TNKS1BP1: variants seen among roughly 807,000 people sequenced by gnomAD.
TNKS1BP1 encodes the protein CCR4-NOT transcription complex subunit 12.
TNKS1BP1 carries 48 observed loss-of-function variants against 141.1 expected under a neutral mutation model. That is an observed-to-expected ratio of 0.34 (90% CI 0.27 to 0.43). The LOEUF (loss-of-function observed/expected upper bound fraction) is 0.43, where lower values mean the gene tolerates loss of function less well. TNKS1BP1 is among the 20% of genes least tolerant of loss of function. The pLI, the probability that TNKS1BP1 is intolerant of heterozygous loss-of-function variation, is 1.00. For synonymous variants in TNKS1BP1, 875 were observed against 898.2 expected, an observed-to-expected ratio of 0.97 and a Z score of 0.46; for missense variants, 2,149 against 2,226.0, an observed-to-expected ratio of 0.97 and a Z score of 0.70.
intron 1 of TNKS1BP1, among the ~76,000 whole-genome samples, chr11:57,324,379 G>A (rs1346312918): frequency 6.6e-6 from 1 of 152,012 alleles, no homozygotes; most frequent in Non-Finnish European, 1.5e-5. Flanking sequence ...GGTGGCGGCA[G>A]AAGCGGAGGA....
intron 11 of TNKS1BP1, 111 bp downstream of exon 11, chr11:57,300,417 A>C: frequency 2.0e-6 from 2 of 999,944 alleles, no homozygotes; most frequent in East Asian, 4.9e-5. Context: ...GCTGTTTCTA[A>C]ACTTGCACAG....
Position 57,302,764 on chromosome 11 carries a change from G to A in TNKS1BP1, c.4378C>T (p.Leu1460=). ...ACCGCCTTGGAGCTGCTGGCTGCCAGCATCTCCTCCAGCAGGCCCTGGGAG... is the reference window on the plus strand; with the variant it reads ...ACCGCCTTGGAGCTGCTGGCTGCCAACATCTCCTCCAGCAGGCCCTGGGAG... ...SGSQGLLEEM[L]AASSSKAVAR... Residue 1460 remains leucine (L), a synonymous_variant, in exon 7 of 12, where the codon CTG becomes TTG. Transcript: ENST00000358252. This position sits in a 1 kb window ranked among gnomAD's most constrained non-coding sequence, Gnocchi z 5.5. The A allele has an allele frequency of 6.4e-7, 1 of 1,571,644 alleles. No individual in the cohort carries two copies. The highest frequency in any genetic ancestry group is 8.6e-7 in the Non-Finnish European group (1 of 1,163,106).
Position 57,320,413 on chromosome 11 carries a change from G to A in TNKS1BP1, c.394C>T (p.Pro132Ser). 2 of 1,610,640 alleles carry A rather than the reference G, an allele frequency of 1.2e-6. No individual in the cohort carries two copies. Among genetic ancestry groups the A allele is most frequent in the Non-Finnish European group, 1.7e-6 (2 of 1,177,358 alleles). ...CCTGGGGCTGCACATCGAGCTGGGG[G>A]TGTCAAAGGGGGTGGCTCCTCTTTC... is the stretch of plus-strand genomic sequence containing the variant. ...AGKEEPPPLT[P>S]PARCAAPGGV... Residue 132 changes from proline to serine, a missense_variant, in exon 3 of 12, where the codon CCC becomes TCC. By Grantham distance (74) the Pro-to-Ser change is moderately conservative (BLOSUM62 -1). Transcript: ENST00000358252.
Position 57,310,441 on chromosome 11 carries a change from C to G in TNKS1BP1, c.2270G>C (p.Gly757Ala). The G allele has an allele frequency of 1.9e-6, 3 of 1,613,862 alleles. No homozygotes were observed. The highest frequency in any genetic ancestry group is 2.5e-6 in the Non-Finnish European group (3 of 1,180,038). ...TCCTCTAGGGCTTGCACCCCCAAGG[C>G]CATAGTCCTGAGAAGCACCTTGACA... The part of the protein sequence containing the change: ...SWCQGASQDY[G>A]LGGASPRGDP... Residue 757 changes from glycine (G) to alanine (A), a missense_variant, in exon 6 of 12, where the codon GGC becomes GCC. Transcript: ENST00000358252.
chr11:57,305,018 C>T (rs1293557000), intron 6 of TNKS1BP1, among the ~76,000 whole-genome samples: 2 of 152,162 alleles, frequency 1.3e-5, no homozygotes, highest in African/African-American at 4.8e-5. Context: ...CTACGTCCAC[C>T]CCGCCGGACT....
chr11:57,320,110 G>C lies in TNKS1BP1; in HGVS notation c.697C>G (p.Arg233Gly). The change falls in exon 3 of 12, where the codon CGG (arginine) becomes GGG (glycine). Residue 233 changes from arginine (R) to glycine (G), a missense_variant. Arg to Gly is a moderately radical substitution (Grantham distance 125, BLOSUM62 -2). Coordinates refer to ENST00000358252, the MANE Select transcript of TNKS1BP1 (RefSeq NM_033396.3). ...TCAGGGGTCTTGCTGTGCTCTTCCC[G>C]GCACTCTGCTGGAGACTTTACTGGC... ...EGPVKSPAEC[R>G]EEHSKTPEER... 7.1e-7 allele frequency: 1 copy of C among 1,405,692 alleles called. No individual in the cohort carries two copies. Among genetic ancestry groups the C allele is most frequent in the Non-Finnish European group, 9.5e-7 (1 of 1,048,294 alleles). The allele number at this position is 1,405,692 out of a possible 1,614,324, so 87.1% of individuals were successfully genotyped here. A position where few individuals can be genotyped will look rare whatever the true frequency, so the allele number is the denominator to read the frequency against.
At chr11:57,321,503 T>C (rs1855886011) in intron 2 of TNKS1BP1, among the ~76,000 whole-genome samples, 1 of 152,188 alleles carries the variant, frequency 6.6e-6, no homozygotes, top group East Asian at 1.9e-4. Flanking sequence ...ACTCCATTTT[T>C]CCCTGTGGGC....
In TNKS1BP1 at chr11:57,302,351, AC is replaced by A; in HGVS notation, c.4683+107del. ...TTCACGTTCACGTGACGCACCTACA[AC>A]CCGCTTTCTGCCTCCTGGACTGGGA... On this transcript the variant is annotated intron_variant, in intron 7 of 11. Coordinates refer to ENST00000358252, the MANE Select transcript of TNKS1BP1 (RefSeq NM_033396.3). The surrounding 1 kb of genome is among the most constrained non-coding windows in gnomAD (Gnocchi z 5.5). The A allele has an allele frequency of 1.9e-6, 3 of 1,538,766 alleles. No homozygotes were observed. The highest frequency in any genetic ancestry group is 2.6e-6 in the Non-Finnish European group (3 of 1,141,206).
chr11:57,310,833 A>C (rs1855696026), intron 5 of TNKS1BP1, among the ~76,000 whole-genome samples: 1 of 152,196 alleles, frequency 6.6e-6, no homozygotes, highest in African/African-American at 2.4e-5. Flanking sequence ...GTGGGCACTC[A>C]ATCGATGGTC....
Position 57,312,890 on chromosome 11 carries a change from C to T in TNKS1BP1, c.1798G>A (p.Glu600Lys). ...CTGGTAGCCAGGGGGAGAGGGGACT[C>T]CTGTCCAGCCAAGGGCTCCTGCGAC... is the stretch of plus-strand genomic sequence containing the variant. Reference protein sequence around the residue: ...YESQEPLAGQESPLPLATREA... With the variant: ...YESQEPLAGQKSPLPLATREA... Residue 600 changes from glutamate (E) to lysine (K), a missense_variant, in exon 5 of 12, where the codon GAG (glutamate) becomes AAG (lysine). By Grantham distance (56) the Glu-to-Lys change is moderately conservative. Transcript: ENST00000358252. The T allele has an allele frequency of 1.2e-6, 2 of 1,608,580 alleles. No homozygotes were observed. Among genetic ancestry groups the T allele is most frequent in the Non-Finnish European group, 1.7e-6 (2 of 1,176,728 alleles).
At chr11:57,311,898 A>C (rs1348976857) in intron 5 of TNKS1BP1, among the ~76,000 whole-genome samples, 2 of 152,224 alleles carry the variant, frequency 1.3e-5, no homozygotes, top group Non-Finnish European at 2.9e-5. Context: ...CGTTTGTAAA[A>C]GCCAACACTT....
At chr11:57,317,299 A>G (rs1190620043) in intron 4 of TNKS1BP1, among the ~76,000 whole-genome samples, 1 of 152,246 alleles carries the variant, frequency 6.6e-6, no homozygotes, top group African/African-American at 2.4e-5. Flanking sequence ...CAGGCTGACC[A>G]TCTTCAAGAA....
intron 6 of TNKS1BP1, among the ~76,000 whole-genome samples, chr11:57,306,916 T>TGGGGGGGGGGGGG (rs1189050190): frequency 9.7e-4 from 11 of 11,384 alleles, no homozygotes; most frequent in African/African-American, 2.1e-3. Flanking sequence ...GGGGGGGGGT[T>TGGGGGGGGGGGGG]GGGTGGGAGG....
Position 57,317,286 on chromosome 11 carries a change from A to C in TNKS1BP1, c.798+532T>G, listed in dbSNP as rs1005347027. Reference sequence around the variant, plus strand: ...CATCCTGTACCTTGTTTACTCAAGAAAGCAGGCTGACCATCTTCAAGAACG... The same window carrying C: ...CATCCTGTACCTTGTTTACTCAAGACAGCAGGCTGACCATCTTCAAGAACG... On this transcript the variant is annotated intron_variant, in intron 4 of 11. Coordinates refer to ENST00000358252, the MANE Select transcript of TNKS1BP1 (RefSeq NM_033396.3). Among the ~76,000 whole-genome samples, 6 of 152,354 alleles carry C rather than the reference A, an allele frequency of 3.9e-5. No homozygotes were observed. In the East Asian group the frequency reaches 9.7e-4, roughly 25 times the overall value.
At chr11:57,322,174 A>T in intron 1 of TNKS1BP1, 1 of 1,087,366 alleles carries the variant, frequency 9.2e-7, no homozygotes, top group Non-Finnish European at 1.2e-6. Context: ...CCAAAGTCCT[A>T]GCGCTTCAGG....
chr11:57,323,812 T>C (rs1305146369), intron 1 of TNKS1BP1, among the ~76,000 whole-genome samples: 1 of 152,196 alleles, frequency 6.6e-6, no homozygotes, highest in South Asian at 2.1e-4. Context: ...AGGAACATAG[T>C]GTGGGTGGTT....
At position 57,320,651 on chromosome 11, in the gene TNKS1BP1, G is replaced by T; in HGVS notation, c.156C>A (p.Ala52=). Residue 52 remains alanine (A), a synonymous_variant, in exon 3 of 12, where the codon GCC becomes GCA. Coordinates refer to ENST00000358252, the MANE Select transcript of TNKS1BP1 (RefSeq NM_033396.3). ...CCAGCAGGCTGGGTTTGGCAGGCAG[G>T]GCTGGCTTGGCAGGCAGGGCCCGGG... ...PKPRALPAKP[A]LPAKPSLLVP... 7 of 1,610,430 alleles carry T rather than the reference G, an allele frequency of 4.3e-6. No homozygotes were observed. Among genetic ancestry groups the T allele is most frequent in the Non-Finnish European group, 5.9e-6 (7 of 1,178,100 alleles).
chr11:57,310,633 A>G, intron 5 of TNKS1BP1, 77 bp from the exon 6 acceptor site: 1 of 1,512,296 alleles, frequency 6.6e-7, no homozygotes, highest in Non-Finnish European at 8.8e-7. Flanking sequence ...CAGCAGAGTC[A>G]GCGCTGCCTA....
In TNKS1BP1 at chr11:57,302,010, T is replaced by G; in HGVS notation, c.4834+64A>C. 1 of 1,604,612 alleles carries G rather than the reference T, an allele frequency of 6.2e-7. No individual in the cohort carries two copies. The highest frequency in any genetic ancestry group is 8.5e-7 in the Non-Finnish European group (1 of 1,172,528). ...CCAGACTCCCCGAACCCATAACCCC[T>G]GCAAAAGCTTGGCCTAATGCCCTAG... On this transcript the variant is annotated intron_variant, in intron 8 of 11. Transcript: ENST00000358252. This position sits in a 1 kb window ranked among gnomAD's most constrained non-coding sequence, Gnocchi z 5.5.
Sources: gnomAD v4.1 joint callset for allele counts (sites outside exome capture counted in the v4.1 genomes callset) on GRCh38, gnomAD v4.1.1 for gene constraint, Gnocchi (gnomAD v3.1) non-coding constraint, MANE v1.5 for transcripts, NCBI Gene and HGNC (gene_info 2026-07-23, HGNC 2026-07-21) for gene names.